SAMD5: variants seen among roughly 807,000 people sequenced by gnomAD.
SAMD5 encodes the protein sterile alpha motif domain containing 5, also known as sterile alpha motif domain-containing protein 5.
SAMD5 carries 13 observed loss-of-function variants against 11.3 expected under a neutral mutation model. The ratio of observed to expected loss-of-function variants is 1.15; its 90% CI spans 0.75 to 1.83. The LOEUF (loss-of-function observed/expected upper bound fraction) is 1.83, where lower values mean the gene tolerates loss of function less well. Among genes scored for constraint, SAMD5 ranks in the 40% most tolerant of loss-of-function variants. The pLI is 0.00. For missense variants in SAMD5, 255 were observed against 239.1 expected, an observed-to-expected ratio of 1.07 and a Z score of -0.44; for synonymous variants, 129 against 111.3, an observed-to-expected ratio of 1.16 and a Z score of -1.00.
intron 1 of SAMD5, among the ~76,000 whole-genome samples, chr6:147,685,010 G>T (rs1790989353): frequency 6.6e-6 from 1 of 152,116 alleles, no homozygotes; most frequent in African/African-American, 2.4e-5. Flanking sequence ...TAAAAAAATT[G>T]AATAATAGTA....
the SAMD5 span, among the ~76,000 whole-genome samples, chr6:147,788,806 G>A: frequency 1.1e-4 from 16 of 152,124 alleles, no homozygotes; most frequent in African/African-American, 3.6e-4. Flanking sequence ...CCACCAGGAC[G>A]GATGCGGTGG....
At chr6:147,514,549 G>T (rs536979005) in intron 1 of SAMD5, among the ~76,000 whole-genome samples, 1 of 152,056 alleles carries the variant, frequency 6.6e-6, no homozygotes, top group Admixed American at 6.5e-5. Flanking sequence ...TAGGTTACAG[G>T]TTGTGCTGAC....
the SAMD5 span, among the ~76,000 whole-genome samples, chr6:147,921,274 A>AACACACACACACACACAC: frequency 2.2e-3 from 304 of 141,058 alleles, 1 homozygote; most frequent in African/African-American, 6.9e-3. Flanking sequence ...GAGAGTATAA[A>AACACACACACACACACAC]ACACACACAC....
intron 1 of SAMD5, among the ~76,000 whole-genome samples, chr6:147,609,936 C>G (rs987742987): frequency 1.3e-5 from 2 of 151,982 alleles, no homozygotes; most frequent in Non-Finnish European, 2.9e-5. Context: ...TGAGATACAC[C>G]TGGATTTAAT....
chr6:147,735,248 T>C (rs1791780094), intron 1 of SAMD5, among the ~76,000 whole-genome samples: 1 of 152,276 alleles, frequency 6.6e-6, no homozygotes, highest in African/African-American at 2.4e-5. Context: ...TGATGGGTGC[T>C]AATTAACATT....
chr6:147,519,302 A>C (rs557071276), intron 1 of SAMD5, among the ~76,000 whole-genome samples: 2 of 152,150 alleles, frequency 1.3e-5, no homozygotes, highest in Non-Finnish European at 2.9e-5. Context: ...TTTATATGAA[A>C]ATTTACTTTA....
chr6:147,769,866 G>T, the SAMD5 span, among the ~76,000 whole-genome samples: 3 of 152,330 alleles, frequency 2.0e-5, no homozygotes, highest in Admixed American at 2.0e-4. Flanking sequence ...TACTTAAAGT[G>T]TCATAGAAGA....
At chr6:147,712,041 G>T (rs181382351) in intron 1 of SAMD5, among the ~76,000 whole-genome samples, 1 of 152,272 alleles carries the variant, frequency 6.6e-6, no homozygotes, top group Non-Finnish European at 1.5e-5. Context: ...AATGTCTCTC[G>T]TCTGATCAGT....
rs773178922 is a variant in SAMD5 at position 147,569,677 on chromosome 6, G to T, written c.*5221G>T. ...ACTTGTTGCCCTGTTCCCCAAGCTT[G>T]TCAATGTTTAGAGATACTATTCGGG... On this transcript the variant is annotated 3_prime_UTR_variant, in exon 2 of 2. Transcript: ENST00000367474. 53 of 985,318 alleles carry T rather than the reference G, an allele frequency of 5.4e-5. No individual in the cohort carries two copies. The highest frequency in any genetic ancestry group is 5.8e-5 in the Non-Finnish European group (48 of 829,868). The allele number at this position is 985,318 out of a possible 1,614,324, so 61.0% of individuals were successfully genotyped here. A position where few individuals can be genotyped will look rare whatever the true frequency, so the allele number is the denominator to read the frequency against.
the SAMD5 span, among the ~76,000 whole-genome samples, chr6:147,760,593 C>A: frequency 6.6e-6 from 1 of 152,068 alleles, no homozygotes; most frequent in Non-Finnish European, 1.5e-5. Flanking sequence ...CCAGTGGGAA[C>A]ACAATCAAAG....
At chr6:147,683,866 A>G (rs1391452136) in intron 1 of SAMD5, among the ~76,000 whole-genome samples, 1 of 152,240 alleles carries the variant, frequency 6.6e-6, no homozygotes, top group Non-Finnish European at 1.5e-5. Context: ...GGACCATTTC[A>G]GAATTACTCC....
intron 1 of SAMD5, among the ~76,000 whole-genome samples, chr6:147,611,944 G>A (rs1178392640): frequency 6.6e-6 from 1 of 152,246 alleles, no homozygotes; most frequent in Non-Finnish European, 1.5e-5. Context: ...CAACACCTGA[G>A]CACAACAGCT....
the SAMD5 span, among the ~76,000 whole-genome samples, chr6:147,825,223 G>A: frequency 6.6e-6 from 1 of 152,140 alleles, no homozygotes; most frequent in Non-Finnish European, 1.5e-5. Flanking sequence ...CTTGAACCTG[G>A]GAGGCAGATG....
At chr6:147,649,244 G>A (rs1273540579) in intron 1 of SAMD5, among the ~76,000 whole-genome samples, 1 of 152,110 alleles carries the variant, frequency 6.6e-6, no homozygotes, top group African/African-American at 2.4e-5. Flanking sequence ...CATGGAATGA[G>A]GGTTTGGGTC....
chr6:147,658,034 G>C (rs1280847962), intron 1 of SAMD5, among the ~76,000 whole-genome samples: 1 of 152,154 alleles, frequency 6.6e-6, no homozygotes, highest in Non-Finnish European at 1.5e-5. Context: ...CTTTAAAAAT[G>C]TGGAAAAAAT....
chr6:147,636,160 A>G (rs6940459), intron 1 of SAMD5, among the ~76,000 whole-genome samples: 80,835 of 151,920 alleles, frequency 0.53, 23,090 homozygotes, highest in South Asian at 0.72. Context: ...TTATTAGAAG[A>G]CACGATAAAA....
intron 1 of SAMD5, among the ~76,000 whole-genome samples, chr6:147,675,334 C>G (rs1790847474): frequency 6.6e-6 from 1 of 152,148 alleles, no homozygotes; most frequent in Admixed American, 6.5e-5. Context: ...CACAAGTAAG[C>G]TCTGAAATGT....
the SAMD5 span, among the ~76,000 whole-genome samples, chr6:147,910,434 C>G: frequency 1.4e-4 from 21 of 152,278 alleles, no homozygotes; most frequent in Non-Finnish European, 5.9e-5. Context: ...CTACTCTCTC[C>G]GGGCGCAGCG....
chr6:147,767,023 A>T, the SAMD5 span, among the ~76,000 whole-genome samples: 89 of 152,218 alleles, frequency 5.8e-4, no homozygotes, highest in African/African-American at 2.1e-3. Context: ...TAATAATAGG[A>T]TGCTATTTAG....
Sources: allele counts gnomAD v4.1 joint callset (sites outside exome capture counted in the v4.1 genomes callset), GRCh38; gene constraint gnomAD v4.1.1; transcripts MANE v1.5; gene names NCBI Gene and HGNC (gene_info 2026-07-23, HGNC 2026-07-21).